The following ANKRD62 variants were observed in gnomAD, a reference collection of about 807,000 sequenced individuals.
ANKRD62 encodes ankyrin repeat domain 62.
A neutral mutation model predicts 98.8 loss-of-function variants in ANKRD62; 61 were observed. The ratio of observed to expected loss-of-function variants is 0.62; its 90% CI spans 0.50 to 0.76. The LOEUF (loss-of-function observed/expected upper bound fraction) is 0.76, where lower values mean the gene tolerates loss of function less well. Ranked by LOEUF, ANKRD62 falls within the 30% of genes least tolerant of loss-of-function variation. The probability of loss-of-function intolerance (pLI) is 0.00; values close to 1 mark genes in which losing one functional copy is unlikely to be tolerated. For missense variants in ANKRD62, 933 were observed against 1,082.9 expected (o/e 0.86, Z 1.94); for synonymous variants, 341 against 367.9 (o/e 0.93, Z 0.84).
At chr18:12,102,028 C>T in intron 6 of ANKRD62, 1 of 1,383,840 alleles carries the variant, frequency 7.2e-7, no homozygotes, top group Non-Finnish European at 1.0e-6. Flanking sequence ...TTTGCAGATG[C>T]CCACATCATG....
At chr18:12,126,502 T>C (rs945724833) in intron 13 of ANKRD62, 119 bp downstream of exon 13, 1 of 1,008,602 alleles carries the variant, frequency 9.9e-7, no homozygotes, top group African/African-American at 1.6e-5. Context: ...GATAAACGGT[T>C]CTGCTATATC....
chr18:12,166,175 C>A, the ANKRD62 span, among the ~76,000 whole-genome samples: 2 of 152,072 alleles, frequency 1.3e-5, no homozygotes, highest in Non-Finnish European at 2.9e-5. Context: ...ATGTTGATAT[C>A]TTTTCCCAGG....
At chr18:12,162,546 G>T in the ANKRD62 span, among the ~76,000 whole-genome samples, 3 of 151,956 alleles carry the variant, frequency 2.0e-5, no homozygotes, top group Non-Finnish European at 2.9e-5. Flanking sequence ...GTTCATGTTT[G>T]CTTTGGTTCC....
the ANKRD62 span, among the ~76,000 whole-genome samples, chr18:12,172,459 A>G: frequency 1.5e-4 from 22 of 149,570 alleles, no homozygotes; most frequent in African/African-American, 4.8e-4. Context: ...CAGAACAGCA[A>G]TGTTGCTTCC....
In ANKRD62 at chr18:12,095,165, T is replaced by C; in HGVS notation, c.219-6T>C. ...AATTGCCTAAAGCGACCTCTCATTC[T>C]CACAGGACTGCTCTACTTTTGGCGT... On this transcript the variant is annotated splice_polypyrimidine_tract_variant and splice_region_variant and intron_variant, in intron 1 of 13. Transcript: ENST00000587848. 6.5e-7 allele frequency: 1 copy of C among 1,536,036 alleles called. No individual in the cohort carries two copies.
At chr18:12,119,888 T>C (rs1909749197) in intron 10 of ANKRD62, among the ~76,000 whole-genome samples, 1 of 152,160 alleles carries the variant, frequency 6.6e-6, no homozygotes, top group South Asian at 2.1e-4. Flanking sequence ...AACCTCAATA[T>C]GTTATTTTTT....
chr18:12,174,573 T>C, the ANKRD62 span, among the ~76,000 whole-genome samples: 1 of 152,224 alleles, frequency 6.6e-6, no homozygotes, highest in African/African-American at 2.4e-5. Flanking sequence ...AAGAAGGCAC[T>C]CTGACTTTTT....
chr18:12,125,889 C>T lies in ANKRD62; in HGVS notation c.2068C>T (p.His690Tyr), dbSNP rs1322014253. The change falls in exon 13 of 14, where the codon CAT becomes TAT. Residue 690 changes from histidine (H) to tyrosine (Y), a missense_variant. This residue lies in a region of ANKRD62 where 362 missense variants were observed against 434.5 expected (regional missense o/e 0.83). Coordinates refer to ENST00000587848, the MANE Select transcript of ANKRD62 (RefSeq NM_001277333.2). ...AFQSTVNEWC[H>Y]LQEDTNSHIQ... Reference sequence around the variant, plus strand: ...CCAGAGCACAGTGAATGAATGGTGTCATTTACAAGAAGACACTAATTCTCA... The same window carrying T: ...CCAGAGCACAGTGAATGAATGGTGTTATTTACAAGAAGACACTAATTCTCA... 6.5e-7 allele frequency: 1 copy of T among 1,542,980 alleles called. No individual in the cohort carries two copies. Among genetic ancestry groups the T allele is most frequent in the African/African-American group, 1.4e-5 (1 of 73,174 alleles).
At chr18:12,100,707 A>T (rs1329946224) in intron 6 of ANKRD62, among the ~76,000 whole-genome samples, 1 of 152,176 alleles carries the variant, frequency 6.6e-6, no homozygotes, top group Non-Finnish European at 1.5e-5. Flanking sequence ...ACATATTCTC[A>T]TACCAAGAAT....
chr18:12,101,434 T>C (rs1192454298), intron 6 of ANKRD62, among the ~76,000 whole-genome samples: 1 of 152,192 alleles, frequency 6.6e-6, no homozygotes, highest in Non-Finnish European at 1.5e-5. Flanking sequence ...ACTCCAAGCT[T>C]TTCTTCCTAA....
the ANKRD62 span, among the ~76,000 whole-genome samples, chr18:12,165,648 T>C: frequency 6.6e-6 from 1 of 152,160 alleles, no homozygotes; most frequent in African/African-American, 2.4e-5. Context: ...GTTTGGTTCA[T>C]TTAGTCTTTC....
chr18:12,103,689 A>G lies in ANKRD62; in HGVS notation c.891+461A>G, dbSNP rs145656184. Among the ~76,000 whole-genome samples the G allele has an allele frequency of 4.2e-3, 640 of 152,208 alleles. 9 individuals carry two copies. The highest frequency in any genetic ancestry group is 0.015 in the African/African-American group (603 of 41,548). ...TGATCTCTTACTAATTTCAATATCTATGTTCAGGGCAGAATGGGGTCATAA... is the reference window on the plus strand; with the variant it reads ...TGATCTCTTACTAATTTCAATATCTGTGTTCAGGGCAGAATGGGGTCATAA... On this transcript the variant is annotated intron_variant, in intron 7 of 13. Coordinates refer to ENST00000587848, the MANE Select transcript of ANKRD62 (RefSeq NM_001277333.2).
At position 12,107,359 on chromosome 18, in the gene ANKRD62, A is replaced by T. The variant is rs1244689610; in HGVS notation, c.956A>T (p.Asp319Val). ...GAAGTGTCAAGAAACGTACATGCTG[A>T]TGACAGTGACAATTATAATGATGAT... The part of the protein sequence containing the change: ...KMEVSRNVHA[D>V]DSDNYNDDVD... The change falls in exon 8 of 14, where the codon GAT becomes GTT. Residue 319 changes from aspartate to valine, a missense_variant. Physicochemically the swap from Asp to Val is radical, Grantham distance 152. Coordinates refer to ENST00000587848, the MANE Select transcript of ANKRD62 (RefSeq NM_001277333.2). 1 of 1,521,824 alleles carries T rather than the reference A, an allele frequency of 6.6e-7. No individual in the cohort carries two copies. The highest frequency in any genetic ancestry group is 2.5e-5 in the East Asian group (1 of 40,054). The allele number at this position is 1,521,824 out of a possible 1,614,324, so 94.3% of individuals were successfully genotyped here.
At chr18:12,141,465 G>C in the ANKRD62 span, among the ~76,000 whole-genome samples, 5 of 152,078 alleles carry the variant, frequency 3.3e-5, no homozygotes, top group African/African-American at 4.8e-5. Context: ...TGAAACTCTT[G>C]TATTGTGTTA....
chr18:12,095,411 T>A lies in ANKRD62; in HGVS notation c.334-26T>A, dbSNP rs773834331. On this transcript the variant is annotated intron_variant, in intron 2 of 13. Transcript: ENST00000587848. ...GTGGAAGATTTCCTAGAATTTACAG[T>A]CTATTTCTTGGTCTAATACTGACAG... 5.1e-6 allele frequency: 8 copies of A among 1,556,138 alleles called. No homozygotes were observed. In the South Asian group the frequency reaches 9.3e-5, roughly 18 times the overall value.
At chr18:12,114,794 C>A (rs1344228953) in intron 8 of ANKRD62, among the ~76,000 whole-genome samples, 1 of 152,038 alleles carries the variant, frequency 6.6e-6, no homozygotes, top group Non-Finnish European at 1.5e-5. Flanking sequence ...TTATCAAATA[C>A]TGCAAATAAC....
chr18:12,151,135 A>G, the ANKRD62 span, among the ~76,000 whole-genome samples: 1 of 152,242 alleles, frequency 6.6e-6, no homozygotes. Context: ...AGGGCTTGCG[A>G]TCCTAATTTC....
the ANKRD62 span, among the ~76,000 whole-genome samples, chr18:12,136,666 G>A: frequency 1.8e-4 from 28 of 152,134 alleles, no homozygotes; most frequent in Middle Eastern, 3.4e-3. Flanking sequence ...TTGATTCTTC[G>A]TACCCATCAG....
At position 12,093,910 on chromosome 18, in the gene ANKRD62, T is replaced by C; in HGVS notation, c.-108T>C. 9.2e-7 allele frequency: 1 copy of C among 1,091,342 alleles called. No homozygotes were observed. Among genetic ancestry groups the C allele is most frequent in the South Asian group, 1.5e-5 (1 of 68,498 alleles). The allele number at this position is 1,091,342 out of a possible 1,614,324, so 67.6% of individuals were successfully genotyped here. A position where few individuals can be genotyped will look rare whatever the true frequency, so the allele number is the denominator to read the frequency against. On this transcript the variant is annotated 5_prime_UTR_variant, in exon 1 of 14. Coordinates refer to ENST00000587848, the MANE Select transcript of ANKRD62 (RefSeq NM_001277333.2). Reference sequence around the variant, plus strand: ...GAGTGTCCCTGACGGAGGTTGCGGCTGGACCTGGTTACGTGCTGGTGCTGC... The same window carrying C: ...GAGTGTCCCTGACGGAGGTTGCGGCCGGACCTGGTTACGTGCTGGTGCTGC...
Sources: allele counts gnomAD v4.1 joint callset (sites outside exome capture counted in the v4.1 genomes callset), GRCh38; gene constraint gnomAD v4.1.1; regional missense constraint gnomAD v4.1.1; transcripts MANE v1.5; gene names NCBI Gene and HGNC (gene_info 2026-07-23, HGNC 2026-07-21).